Variants in PTPRU observed in about 807,000 individuals in gnomAD.
The protein encoded by PTPRU is receptor-type tyrosine-protein phosphatase U.
A neutral mutation model predicts 166.3 loss-of-function variants in PTPRU; 69 were observed. That is an observed-to-expected ratio of 0.41 (90% CI 0.34 to 0.51). The LOEUF (loss-of-function observed/expected upper bound fraction) is 0.51, where lower values mean the gene tolerates loss of function less well. Among genes scored for constraint, PTPRU ranks in the 20% least tolerant of loss-of-function variants. The pLI is 0.09. For synonymous variants in PTPRU, 793 were observed against 814.0 expected, an observed-to-expected ratio of 0.97 and a Z score of 0.44; for missense variants, 1,657 against 2,013.7, an observed-to-expected ratio of 0.82 and a Z score of 3.39.
chr1:29,288,698 G>A (rs959304852), intron 14 of PTPRU, among the ~76,000 whole-genome samples: 1 of 152,132 alleles, frequency 6.6e-6, no homozygotes, highest in Admixed American at 6.5e-5. Context: ...TGCTGACAGG[G>A]TGATGTGGGG....
intron 15 of PTPRU, among the ~76,000 whole-genome samples, chr1:29,303,377 C>T (rs545360388): frequency 2.6e-5 from 4 of 152,210 alleles, no homozygotes; most frequent in Non-Finnish European, 4.4e-5. Context: ...GGCGCCTATT[C>T]GGGTGCCTGG....
At chr1:29,252,275 T>TC (rs1684581047) in intron 1 of PTPRU, among the ~76,000 whole-genome samples, 1 of 147,692 alleles carries the variant, frequency 6.8e-6, no homozygotes, top group Non-Finnish European at 1.5e-5. Flanking sequence ...TTCTTTCTTT[T>TC]TTTTTTTTTT....
chr1:29,278,818 A>G (rs1685930633), intron 8 of PTPRU, among the ~76,000 whole-genome samples, 194 bp from the exon 9 acceptor site: 1 of 152,258 alleles, frequency 6.6e-6, no homozygotes, highest in African/African-American at 2.4e-5. Context: ...TTGGGGCTTT[A>G]TGTACATCAC....
chr1:29,310,646 G>C, intron 18 of PTPRU, 98 bp from the exon 19 acceptor site: 1 of 1,287,596 alleles, frequency 7.8e-7, no homozygotes, highest in Non-Finnish European at 1.1e-6. Context: ...TCCCTGGTGG[G>C]GTAGGGGTTC....
intron 26 of PTPRU, among the ~76,000 whole-genome samples, chr1:29,322,848 G>A (rs1353977228): frequency 6.6e-6 from 1 of 152,080 alleles, no homozygotes. Context: ...TCCACAGTCT[G>A]GAGTCTGGGA....
intron 15 of PTPRU, among the ~76,000 whole-genome samples, chr1:29,301,006 G>A (rs1687108460): frequency 6.6e-6 from 1 of 152,184 alleles, no homozygotes; most frequent in Admixed American, 6.5e-5. Flanking sequence ...AAAAGTAGGG[G>A]GAGGAGGAGT....
At chr1:29,313,057 C>T (rs970763290) in intron 22 of PTPRU, among the ~76,000 whole-genome samples, 1 of 152,178 alleles carries the variant, frequency 6.6e-6, no homozygotes, top group Non-Finnish European at 1.5e-5. Context: ...CTAGGCCTGG[C>T]CTGGGGGTGG....
chr1:29,312,414 C>A, intron 21 of PTPRU, 138 bp from the exon 22 acceptor site: 1 of 841,050 alleles, frequency 1.2e-6, no homozygotes, highest in Non-Finnish European at 1.7e-6. Flanking sequence ...TTAATACCTA[C>A]TTCATCAGTA....
rs1313581246 is a variant in PTPRU, at chr1:29,260,797, C to T, written c.1038C>T (p.His346=). ...GCCTGCAGACCTACAAGCTGTGGCA[C>T]CTCGACCCCGACACAGAGTATGAGA... ...AVSLQTYKLW[H]LDPDTEYEIS... is the part of the protein sequence containing the mutation. Residue 346 remains histidine, a synonymous_variant, in exon 7 of 30, where the codon CAC becomes CAT. Coordinates refer to ENST00000373779, the MANE Select transcript of PTPRU (RefSeq NM_133178.4). The surrounding 1 kb of genome is among the most constrained non-coding windows in gnomAD (Gnocchi z 8.3). The T allele has an allele frequency of 6.2e-7, 1 of 1,613,358 alleles. No individual in the cohort carries two copies. Among genetic ancestry groups the T allele is most frequent in the Admixed American group, 1.7e-5 (1 of 59,962 alleles).
chr1:29,325,218 C>T lies in PTPRU; in HGVS notation c.4140C>T (p.Phe1380=). ...ACGGGGGAGGACGCAGCGGCACCTT[C>T]TGCGCCTGCGCCACGGTCCTGGAGA... ...CLNGGGRSGT[F]CACATVLEMI... is the part of the protein sequence containing the mutation. Residue 1380 remains phenylalanine (F), a synonymous_variant, in exon 29 of 30, where the codon TTC becomes TTT. Transcript: ENST00000373779. 6.2e-7 allele frequency: 1 copy of T among 1,614,240 alleles called. No homozygotes were observed. The highest frequency in any genetic ancestry group is 8.5e-7 in the Non-Finnish European group (1 of 1,180,044).
chr1:29,323,710 A>C lies in PTPRU; in HGVS notation c.4034A>C (p.Lys1345Thr). The change falls in exon 28 of 30, where the codon AAG (lysine) becomes ACG (threonine). Residue 1345 changes from lysine (K) to threonine (T), a missense_variant. By Grantham distance (78) the Lys-to-Thr change is moderately conservative. Transcript: ENST00000373779. ...SAYRDTPDSK[K>T]AFLHLLAEVD... ...TACCGGGACACACCTGACTCCAAGA[A>C]GGCCTTCTTGCACCTGCTGGCTGAG... The C allele has an allele frequency of 6.2e-7, 1 of 1,614,120 alleles. No homozygotes were observed. Among genetic ancestry groups the C allele is most frequent in the Non-Finnish European group, 8.5e-7 (1 of 1,179,980 alleles).
chr1:29,282,947 G>C lies in PTPRU; in HGVS notation c.2140G>C (p.Gly714Arg), dbSNP rs767744520. ...IYFQAASHLK[G>R]ETRLNCIRIA... ...CTTCCAGGCAGCAAGCCACCTGAAG[G>C]GGGTGAGGGACCGGCCAGGGTCATG... Residue 714 changes from glycine to arginine, a missense_variant and splice_region_variant, in exon 12 of 30, where the codon GGG becomes CGG. This residue lies in a region of PTPRU where 1,190 missense variants were observed against 1,477.4 expected (regional missense o/e 0.81). Coordinates refer to ENST00000373779, the MANE Select transcript of PTPRU (RefSeq NM_133178.4). 3 of 1,612,970 alleles carry C rather than the reference G, an allele frequency of 1.9e-6. No homozygotes were observed. The highest frequency in any genetic ancestry group is 2.7e-5 in the African/African-American group (2 of 74,724).
At chr1:29,293,715 C>T (rs1342843366) in intron 15 of PTPRU, among the ~76,000 whole-genome samples, 1 of 151,750 alleles carries the variant, frequency 6.6e-6, no homozygotes, top group Admixed American at 6.6e-5. Flanking sequence ...ACCTCGTGAT[C>T]CACCTGCCTC....
Position 29,320,327 on chromosome 1 carries a change from T to A in PTPRU, c.3688-358T>A, listed in dbSNP as rs76602371. On this transcript the variant is annotated intron_variant, in intron 25 of 29. Coordinates refer to ENST00000373779, the MANE Select transcript of PTPRU (RefSeq NM_133178.4). The surrounding 1 kb of genome is among the most constrained non-coding windows in gnomAD (Gnocchi z 5.2). ...GACAGCCATATAGACATTTGGGAAA[T>A]TTGGCCTAGGCAGCCAAAATAGCAG... 0.012 allele frequency: 2,348 copies of A among 203,072 alleles called. 44 individuals carry two copies. The highest frequency in any genetic ancestry group is 0.05 in the African/African-American group (2,173 of 43,574). 12.6% of individuals were successfully genotyped at this position (203,072 alleles called of 1,614,324 possible).
At chr1:29,295,190 C>T in intron 15 of PTPRU, among the ~76,000 whole-genome samples, 1 of 152,070 alleles carries the variant, frequency 6.6e-6, no homozygotes, top group East Asian at 1.9e-4. Flanking sequence ...GGCGCACCAC[C>T]ATGCCTGGCT....
intron 7 of PTPRU, among the ~76,000 whole-genome samples, chr1:29,268,310 G>A (rs1168734028): frequency 1.3e-5 from 2 of 152,242 alleles, no homozygotes; most frequent in African/African-American, 2.4e-5. Context: ...GATCTTTTAC[G>A]CTAATGGTTC....
rs780747612 is a variant in PTPRU, at chr1:29,280,447, C to T, written c.1868+306C>T. Among the ~76,000 whole-genome samples, 1 of 152,174 alleles carries T rather than the reference C, an allele frequency of 6.6e-6. No homozygotes were observed. Among genetic ancestry groups the T allele is most frequent in the Non-Finnish European group, 1.5e-5 (1 of 68,028 alleles). On this transcript the variant is annotated intron_variant, in intron 11 of 29. Coordinates refer to ENST00000373779, the MANE Select transcript of PTPRU (RefSeq NM_133178.4). The surrounding 1 kb of genome is among the most constrained non-coding windows in gnomAD (Gnocchi z 4.2). ...CCTCAGACACCTTGGAGAAGTGAAA[C>T]TCTGGGGGCCTTATATCATCCCAGC...
chr1:29,280,243 C>A lies in PTPRU; in HGVS notation c.1868+102C>A. ...CCAGGCCAGCTCACCCTTTTCCTCCCTCAGTCTCCCACGCAGGGCTTGGAG... is the reference window on the plus strand; with the variant it reads ...CCAGGCCAGCTCACCCTTTTCCTCCATCAGTCTCCCACGCAGGGCTTGGAG... On this transcript the variant is annotated intron_variant, in intron 11 of 29. Transcript: ENST00000373779. This position sits in a 1 kb window ranked among gnomAD's most constrained non-coding sequence, Gnocchi z 4.2. 1 of 1,159,284 alleles carries A rather than the reference C, an allele frequency of 8.6e-7. No individual in the cohort carries two copies. The highest frequency in any genetic ancestry group is 1.2e-6 in the Non-Finnish European group (1 of 810,022). The allele number at this position is 1,159,284 out of a possible 1,614,324, so 71.8% of individuals were successfully genotyped here.
At chr1:29,323,825 T>A in intron 28 of PTPRU, 37 bp downstream of exon 28, 1 of 1,608,682 alleles carries the variant, frequency 6.2e-7, no homozygotes, top group Non-Finnish European at 8.5e-7. Context: ...GGTGGAGGGG[T>A]TGGGGAGCCA....
Sources: allele counts gnomAD v4.1 joint callset (sites outside exome capture counted in the v4.1 genomes callset), GRCh38; gene constraint gnomAD v4.1.1; regional missense constraint gnomAD v4.1.1; non-coding constraint Gnocchi (gnomAD v3.1); transcripts MANE v1.5; gene names NCBI Gene and HGNC (gene_info 2026-07-23, HGNC 2026-07-21).